Variants in TACR1 observed in about 807,000 individuals in gnomAD.
TACR1 encodes the protein substance-P receptor.
Under a neutral mutation model 35.8 loss-of-function variants are expected in TACR1, and 25 were observed. The observed-to-expected ratio is 0.70, with a 90% CI of 0.51 to 0.98. TACR1 has a LOEUF of 0.98. Ranked by LOEUF, TACR1 falls within the 50% of genes least tolerant of loss-of-function variation. TACR1 has a pLI of 0.00. For synonymous variants in TACR1, 195 were observed against 206.7 expected, an observed-to-expected ratio of 0.94 and a Z score of 0.48; for missense variants, 478 against 522.9, an observed-to-expected ratio of 0.91 and a Z score of 0.84.
rs1354959900 is a variant in TACR1, at chr2:75,051,339, A to G, written c.844T>C (p.Phe282Leu). 2 of 1,614,156 alleles carry G rather than the reference A, an allele frequency of 1.2e-6. No homozygotes were observed. The highest frequency in any genetic ancestry group is 2.2e-5 in the South Asian group (2 of 91,082). Residue 282 changes from phenylalanine to leucine, a missense_variant, in exon 4 of 5, where the codon TTT becomes CTT. Physicochemically the swap from Phe to Leu is conservative, Grantham distance 22. Transcript: ENST00000305249. ...ATGGCCAGGTAGACCTGCTGGATAA[A>G]CTTCTTCAGGTAGAGATCTGGGTTG... is the stretch of plus-strand genomic sequence containing the variant. ...YINPDLYLKKFIQQVYLAIMW... is the reference protein window; with the variant it reads ...YINPDLYLKKLIQQVYLAIMW...
chr2:75,055,760 G>T (rs962914641), intron 2 of TACR1, among the ~76,000 whole-genome samples: 2 of 152,154 alleles, frequency 1.3e-5, no homozygotes, highest in South Asian at 4.1e-4. Flanking sequence ...CCTCAAACTC[G>T]AGTGGGCTTC....
intron 2 of TACR1, among the ~76,000 whole-genome samples, chr2:75,071,071 A>G (rs1672867590): frequency 6.6e-6 from 1 of 152,216 alleles, no homozygotes; most frequent in Admixed American, 6.5e-5. Context: ...ATGCCCGTTC[A>G]CACTAAGTAT....
At chr2:75,177,665 C>T (rs1279371834) in intron 1 of TACR1, among the ~76,000 whole-genome samples, 1 of 152,192 alleles carries the variant, frequency 6.6e-6, no homozygotes, top group East Asian at 1.9e-4. Context: ...ATTCCACCCA[C>T]CACCCTACAG....
intron 1 of TACR1, among the ~76,000 whole-genome samples, chr2:75,169,760 G>C (rs1675231605): frequency 6.6e-6 from 1 of 152,100 alleles, no homozygotes. Flanking sequence ...TTTTATGATA[G>C]CTATTCAACT....
chr2:75,124,778 T>A (rs1257020157), intron 1 of TACR1, among the ~76,000 whole-genome samples: 1 of 152,250 alleles, frequency 6.6e-6, no homozygotes, highest in Admixed American at 6.5e-5. Flanking sequence ...GCCCATAGCT[T>A]GCTGTCCCCT....
chr2:75,064,520 G>A (rs1170204930), intron 2 of TACR1, among the ~76,000 whole-genome samples: 1 of 152,088 alleles, frequency 6.6e-6, no homozygotes, highest in Non-Finnish European at 1.5e-5. Flanking sequence ...AAAGAGTACA[G>A]GTAACAAGAA....
At position 75,051,388 on chromosome 2, in the gene TACR1, G is replaced by A; in HGVS notation, c.795C>T (p.His265=). ...CTFAICWLPF[H]IFFLLPYINP... is the part of the protein sequence containing the mutation. ...TGATGTAGGGCAGGAGGAAGAAGAT[G>A]TGGAAGGGCAGCCAGCAGATGGCGA... Residue 265 remains histidine (H), a synonymous_variant, in exon 4 of 5, where the codon CAC becomes CAT. Transcript: ENST00000305249. 6.2e-7 allele frequency: 1 copy of A among 1,614,208 alleles called. No homozygotes were observed. The highest frequency in any genetic ancestry group is 8.5e-7 in the Non-Finnish European group (1 of 1,180,038).
intron 1 of TACR1, among the ~76,000 whole-genome samples, chr2:75,193,080 CCT>C (rs1675889156): frequency 1.3e-5 from 2 of 152,090 alleles, no homozygotes; most frequent in South Asian, 4.2e-4. Flanking sequence ...TCCCCTCCAT[CCT>C]CTCTCCCCTA....
chr2:75,189,826 G>A (rs974208432), intron 1 of TACR1: 5 of 152,168 alleles, frequency 3.3e-5, no homozygotes, highest in Non-Finnish European at 7.3e-5. Flanking sequence ...TGTGAGTATA[G>A]TTTGAAATGC....
chr2:75,168,020 A>G (rs965552981), intron 1 of TACR1, among the ~76,000 whole-genome samples: 5 of 152,230 alleles, frequency 3.3e-5, no homozygotes, highest in African/African-American at 1.2e-4. Context: ...TCAAGAAGTA[A>G]ATTCACCAAC....
chr2:75,196,067 A>C (rs1675964353), intron 1 of TACR1, among the ~76,000 whole-genome samples: 1 of 152,176 alleles, frequency 6.6e-6, no homozygotes, highest in Admixed American at 6.5e-5. Flanking sequence ...GAACAGGTTT[A>C]ATTTTACAAT....
intron 2 of TACR1, among the ~76,000 whole-genome samples, chr2:75,113,864 A>G (rs1411306443): frequency 6.6e-6 from 1 of 152,136 alleles, no homozygotes; most frequent in Non-Finnish European, 1.5e-5. Context: ...AAAATAATCA[A>G]GAAGACGGAA....
At chr2:75,102,570 T>C (rs567850148) in intron 2 of TACR1, among the ~76,000 whole-genome samples, 109 of 152,272 alleles carry the variant, frequency 7.2e-4, no homozygotes, top group African/African-American at 2.4e-3. Context: ...CATATAATCA[T>C]ACAAGTATCT....
At chr2:75,059,279 C>T (rs1030061302) in intron 2 of TACR1, among the ~76,000 whole-genome samples, 1 of 152,214 alleles carries the variant, frequency 6.6e-6, no homozygotes, top group African/African-American at 2.4e-5. Flanking sequence ...CATCAGCAAC[C>T]CTTGGAAGCC....
At chr2:75,056,361 A>T (rs1330482779) in intron 2 of TACR1, among the ~76,000 whole-genome samples, 1 of 152,158 alleles carries the variant, frequency 6.6e-6, no homozygotes, top group African/African-American at 2.4e-5. Context: ...GGGCTCTTAC[A>T]GGGTAGGACA....
chr2:75,081,836 T>TG (rs1160918314), intron 2 of TACR1, among the ~76,000 whole-genome samples: 1 of 152,120 alleles, frequency 6.6e-6, no homozygotes, highest in Non-Finnish European at 1.5e-5. Flanking sequence ...GTTTCTGACT[T>TG]GCAAATGTTA....
chr2:75,175,669 C>A (rs775146602), intron 1 of TACR1, among the ~76,000 whole-genome samples: 2 of 152,086 alleles, frequency 1.3e-5, no homozygotes, highest in African/African-American at 2.4e-5. Flanking sequence ...ACTTTCACTG[C>A]GAGGCTGCTT....
At chr2:75,141,661 T>C (rs972171333) in intron 1 of TACR1, among the ~76,000 whole-genome samples, 1 of 152,244 alleles carries the variant, frequency 6.6e-6, no homozygotes, top group Non-Finnish European at 1.5e-5. Flanking sequence ...TGGTCCTATA[T>C]CAGGCACTCC....
rs1252209502 is a variant in TACR1, at chr2:75,082,840, A to G, written c.585-29085T>C. ...CTGGATATTAGCCCTTTGTCAGATG[A>G]GTAGATTGCAAAAATTTTCTCCCAT... On this transcript the variant is annotated intron_variant, in intron 2 of 4. Coordinates refer to ENST00000305249, the MANE Select transcript of TACR1 (RefSeq NM_001058.4). 3.3e-5 allele frequency among the ~76,000 whole-genome samples: 5 copies of G among 151,972 alleles called. No homozygotes were observed. The East Asian group carries it at 9.6e-4, about 29-fold the overall frequency.
Sources: gnomAD v4.1 joint callset for allele counts (sites outside exome capture counted in the v4.1 genomes callset) on GRCh38, gnomAD v4.1.1 for gene constraint, MANE v1.5 for transcripts, NCBI Gene and HGNC (gene_info 2026-07-23, HGNC 2026-07-21) for gene names.